Variants in PECR observed in about 807,000 individuals in gnomAD.
PECR encodes peroxisomal trans-2-enoyl-CoA reductase.
Under a neutral mutation model 35.3 loss-of-function variants are expected in PECR, and 30 were observed. The ratio of observed to expected loss-of-function variants is 0.85; its 90% CI spans 0.64 to 1.15. The LOEUF (loss-of-function observed/expected upper bound fraction) is 1.15, where lower values mean the gene tolerates loss of function less well. Ranked by LOEUF, PECR falls within the 50% of genes most tolerant of loss-of-function variation. The pLI is 0.00. For synonymous variants in PECR, 148 were observed against 138.9 expected (o/e 1.07, Z -0.46); for missense variants, 392 against 370.8 (o/e 1.06, Z -0.47).
At chr2:216,044,792 C>T (rs56059687) in intron 6 of PECR, among the ~76,000 whole-genome samples, 1 of 152,208 alleles carries the variant, frequency 6.6e-6, no homozygotes, top group Non-Finnish European at 1.5e-5. Flanking sequence ...GCAACATCTA[C>T]TCCCAACCCA....
chr2:216,049,757 T>C (rs1452646511), intron 5 of PECR, among the ~76,000 whole-genome samples: 1 of 152,238 alleles, frequency 6.6e-6, no homozygotes, highest in Non-Finnish European at 1.5e-5. Flanking sequence ...GACTGGGCAA[T>C]GGCTACGTGA....
At chr2:216,039,445 T>C (rs934486751) in intron 7 of PECR, 85 bp from the exon 8 acceptor site, 1 of 812,486 alleles carries the variant, frequency 1.2e-6, no homozygotes, top group East Asian at 2.5e-5. Context: ...TTAATTTCCC[T>C]GGTTCACACA....
intron 1 of PECR, among the ~76,000 whole-genome samples, chr2:216,079,669 G>A (rs1331302469): frequency 6.8e-6 from 1 of 147,634 alleles, no homozygotes; most frequent in Non-Finnish European, 1.5e-5. Flanking sequence ...GCCCGGCCCT[G>A]CATGTATATA....
chr2:216,051,418 C>G (rs1343730392), intron 5 of PECR, 31 bp downstream of exon 5: 3 of 1,274,570 alleles, frequency 2.4e-6, no homozygotes, highest in South Asian at 2.4e-5. Context: ...CATAATTTGT[C>G]AATAAATTTC....
At chr2:216,073,282 G>A (rs1031476694) in intron 1 of PECR, among the ~76,000 whole-genome samples, 18 of 152,310 alleles carry the variant, frequency 1.2e-4, no homozygotes, top group African/African-American at 4.1e-4. Context: ...CCATAACAAT[G>A]TTTTGGTCAA....
chr2:216,061,748 A>T (rs2888387), intron 3 of PECR, among the ~76,000 whole-genome samples: 152,262 of 152,282 alleles, frequency 1, 76,121 homozygotes, highest in Middle Eastern at 1. Flanking sequence ...ATGAATTTGA[A>T]AACATCTTGG....
At chr2:216,045,153 G>C (rs954293616) in intron 6 of PECR, among the ~76,000 whole-genome samples, 1 of 152,200 alleles carries the variant, frequency 6.6e-6, no homozygotes, top group Non-Finnish European at 1.5e-5. Flanking sequence ...TCCATGCCTT[G>C]CTTGCCTCAT....
At chr2:216,048,241 A>AT (rs1410626293) in intron 6 of PECR, among the ~76,000 whole-genome samples, 2 of 151,478 alleles carry the variant, frequency 1.3e-5, no homozygotes, top group African/African-American at 2.4e-5. Flanking sequence ...CACCCGGGTA[A>AT]TTTTTTTGTA....
chr2:216,058,704 C>T (rs959866763), intron 4 of PECR, among the ~76,000 whole-genome samples, 191 bp downstream of exon 4: 10 of 151,960 alleles, frequency 6.6e-5, no homozygotes, highest in South Asian at 2.1e-4. Flanking sequence ...TCTGGCAGTC[C>T]GCATCTGGAT....
At position 216,030,319 on chromosome 2, in the gene PECR, G is replaced by A. The variant is rs147601513; in HGVS notation, c.*440+8872C>T. Among the ~76,000 whole-genome samples, 19 of 152,262 alleles carry A rather than the reference G, an allele frequency of 1.2e-4. No homozygotes were observed. In the Middle Eastern group the frequency reaches 0.014, roughly 109 times the overall value. On this transcript the variant is annotated intron_variant and NMD_transcript_variant, in intron 7 of 7. Transcript: ENST00000442122. ...ACAGGGCAGGGGTCGGGGCTCTGAA[G>A]CCAAACTCCTTTGGTTCCAATGCCA...
Position 216,066,491 on chromosome 2 carries a change from T to G in PECR, c.152A>C (p.Lys51Thr). The change falls in exon 2 of 8, where the codon AAG becomes ACG. Residue 51 changes from lysine (K) to threonine (T), a missense_variant. Physicochemically the swap from Lys to Thr is moderately conservative, Grantham distance 78 (BLOSUM62 -1). Coordinates refer to ENST00000265322, the MANE Select transcript of PECR (RefSeq NM_018441.6). ...LGSNVVIASR[K>T]LERLKSAADE... ...TGCCGCAGACTTCAATCTCTCCAAC[T>G]TACGGGATGCAATGACCACATTACT... The G allele has an allele frequency of 1.2e-6, 2 of 1,614,048 alleles. No homozygotes were observed. Among genetic ancestry groups the G allele is most frequent in the African/African-American group, 2.7e-5 (2 of 75,032 alleles).
chr2:216,041,076 C>T (rs2105942134), intron 7 of PECR, among the ~76,000 whole-genome samples: 1 of 152,192 alleles, frequency 6.6e-6, no homozygotes, highest in Non-Finnish European at 1.5e-5. Flanking sequence ...TAAAAGAAAA[C>T]ACCATAGTGA....
chr2:216,073,499 C>T (rs1051087530), intron 1 of PECR, among the ~76,000 whole-genome samples: 2 of 152,138 alleles, frequency 1.3e-5, no homozygotes, highest in African/African-American at 4.8e-5. Context: ...ACTTATCACT[C>T]CCTCACTAAC....
At position 216,058,952 on chromosome 2, in the gene PECR, T is replaced by C. The variant is rs755295078; in HGVS notation, c.449A>G (p.His150Arg). 28 of 1,609,846 alleles carry C rather than the reference T, an allele frequency of 1.7e-5. No homozygotes were observed. Among genetic ancestry groups the C allele is most frequent in the Admixed American group, 3.3e-5 (2 of 59,988 alleles). Residue 150 changes from histidine (H) to arginine (R), a missense_variant, in exon 4 of 8, where the codon CAT becomes CGT. Coordinates refer to ENST00000265322, the MANE Select transcript of PECR (RefSeq NM_018441.6). ...AATGATATTGACGATAGATCCTCCA[T>C]GCTCTTTCATCCAGGAGCTGTAAAC... ...KAVYSSWMKEHGGSIVNIIVP... is the reference protein window; with the variant it reads ...KAVYSSWMKERGGSIVNIIVP...
intron 7 of PECR, chr2:216,032,934 C>T (rs1431247515): frequency 1.3e-5 from 2 of 152,148 alleles, no homozygotes; most frequent in African/African-American, 2.4e-5. Context: ...GCTTTGCAAC[C>T]AGGTCTTGAA....
intron 5 of PECR, chr2:216,050,666 G>T (rs1442837928): frequency 6.6e-6 from 1 of 152,350 alleles, no homozygotes; most frequent in Non-Finnish European, 1.5e-5. Flanking sequence ...ACTTTGGGAG[G>T]CAGACGTGGG....
Position 216,056,532 on chromosome 2 carries a change from C to T in PECR, c.506+2363G>A, listed in dbSNP as rs186620246. Among the ~76,000 whole-genome samples, 887 of 151,828 alleles carry T rather than the reference C, an allele frequency of 5.8e-3. 10 individuals are homozygous for T. The highest frequency in any genetic ancestry group is 0.02 in the African/African-American group (843 of 41,346). On this transcript the variant is annotated intron_variant, in intron 4 of 7. Transcript: ENST00000265322. ...GGTCAGGAGTTCGAGACCAGCCTGA[C>T]CAACATGGTGAAACCCCGTCTCTAC...
downstream of PECR, among the ~76,000 whole-genome samples, chr2:216,035,513 G>A (rs1448125948): frequency 6.7e-6 from 1 of 150,264 alleles, no homozygotes; most frequent in Non-Finnish European, 1.5e-5. Context: ...TTCGAGACAG[G>A]GTCTTACTCT....
Position 216,039,281 on chromosome 2 carries a change from C to A in PECR, c.906G>T (p.Lys302Asn). ...GACACCTTGTTTCCTCAGCTCAGAG[C>A]TTAGCTTTCTCCTTAAAGGTCTCCT... ...KMKETFKEKAKL is the reference protein window; with the variant it reads ...KMKETFKEKANL The change falls in exon 8 of 8, where the codon AAG becomes AAT. Residue 302 changes from lysine to asparagine, a missense_variant. Transcript: ENST00000265322. The A allele has an allele frequency of 6.3e-7, 1 of 1,581,462 alleles. No homozygotes were observed. Among genetic ancestry groups the A allele is most frequent in the Non-Finnish European group, 8.7e-7 (1 of 1,150,454 alleles).
Sources: gnomAD v4.1 joint callset for allele counts (sites outside exome capture counted in the v4.1 genomes callset) on GRCh38, gnomAD v4.1.1 for gene constraint, MANE v1.5 for transcripts, NCBI Gene and HGNC (gene_info 2026-07-23, HGNC 2026-07-21) for gene names.